CCDC146: variants seen among roughly 807,000 people sequenced by gnomAD.
CCDC146 encodes coiled-coil domain-containing protein 146.
Under a neutral mutation model 119.3 loss-of-function variants are expected in CCDC146, and 92 were observed. The ratio of observed to expected loss-of-function variants is 0.77; its 90% CI spans 0.65 to 0.92. The LOEUF (loss-of-function observed/expected upper bound fraction) is 0.92. Ranked by LOEUF, CCDC146 falls within the 40% of genes least tolerant of loss-of-function variation. CCDC146 has a pLI of 0.00. For missense variants in CCDC146, 1,000 were observed against 1,103.0 expected (o/e 0.91, Z 1.32); for synonymous variants, 372 against 371.8 (o/e 1.00, Z -0.01).
intron 2 of CCDC146, among the ~76,000 whole-genome samples, chr7:77,216,790 GC>G (rs1360733950): frequency 6.6e-6 from 1 of 152,058 alleles, no homozygotes; most frequent in Admixed American, 6.6e-5. Context: ...ATTATAATTT[GC>G]TTTTTTGTCA....
At chr7:77,184,544 A>T (rs1791635438) in intron 2 of CCDC146, among the ~76,000 whole-genome samples, 1 of 152,224 alleles carries the variant, frequency 6.6e-6, no homozygotes, top group Non-Finnish European at 1.5e-5. Context: ...TTCTGAAAGA[A>T]TTATTTTATC....
At chr7:77,157,150 A>G (rs1442949457) in intron 1 of CCDC146, among the ~76,000 whole-genome samples, 1 of 97,688 alleles carries the variant, frequency 1.0e-5, no homozygotes, top group African/African-American at 4.8e-5. Context: ...GGGAAGGAGC[A>G]CCCAATCTTA....
chr7:77,266,703 C>T (rs1793408761), intron 9 of CCDC146, among the ~76,000 whole-genome samples: 1 of 148,598 alleles, frequency 6.7e-6, no homozygotes, highest in Admixed American at 7.0e-5. Flanking sequence ...CTCTGCATTA[C>T]CTAAATGACT....
chr7:77,180,018 T>C (rs1020743030), intron 2 of CCDC146, among the ~76,000 whole-genome samples: 1 of 152,180 alleles, frequency 6.6e-6, no homozygotes, highest in Non-Finnish European at 1.5e-5. Context: ...TCAGAATTCC[T>C]CTCCTAAGAT....
At chr7:77,188,769 T>G (rs1791711655) in intron 2 of CCDC146, among the ~76,000 whole-genome samples, 1 of 152,238 alleles carries the variant, frequency 6.6e-6, no homozygotes, top group South Asian at 2.1e-4. Flanking sequence ...AATACCGTTG[T>G]TGACAGAAGC....
At chr7:77,205,916 A>G (rs1792072425) in intron 2 of CCDC146, among the ~76,000 whole-genome samples, 1 of 152,252 alleles carries the variant, frequency 6.6e-6, no homozygotes, top group African/African-American at 2.4e-5. Context: ...ATCACCAAGA[A>G]AAAGCACAAG....
At chr7:77,262,087 A>T (rs1308213073) in intron 8 of CCDC146, 34 bp from the exon 9 acceptor site, 19 of 1,522,136 alleles carry the variant, frequency 1.2e-5, no homozygotes, top group Non-Finnish European at 1.6e-5. Flanking sequence ...CTGATAACAA[A>T]ATCATTTTCT....
chr7:77,235,620 GTTTT>G (rs1410753774), intron 2 of CCDC146, among the ~76,000 whole-genome samples: 4 of 152,174 alleles, frequency 2.6e-5, no homozygotes, highest in African/African-American at 9.7e-5. Context: ...CACTTGAAGT[GTTTT>G]GATCACCCAG....
chr7:77,250,338 C>A (rs1170499929), intron 4 of CCDC146, among the ~76,000 whole-genome samples: 1 of 152,192 alleles, frequency 6.6e-6, no homozygotes, highest in African/African-American at 2.4e-5. Context: ...CTCTAAAGAG[C>A]TTCCTTTAAC....
chr7:77,241,581 G>T (rs1792849101), intron 3 of CCDC146, 110 bp from the exon 4 acceptor site: 6 of 869,138 alleles, frequency 6.9e-6, no homozygotes, highest in Non-Finnish European at 7.4e-6. Flanking sequence ...ATGTCCCAGA[G>T]TTGAGTTGAT....
intron 2 of CCDC146, among the ~76,000 whole-genome samples, chr7:77,200,941 T>C (rs1369163110): frequency 3.9e-5 from 6 of 152,240 alleles, no homozygotes. Context: ...TCTAAATGTT[T>C]TATTGTATTA....
chr7:77,229,336 C>T (rs57502594), intron 2 of CCDC146, among the ~76,000 whole-genome samples: 7,769 of 152,146 alleles, frequency 0.051, 488 homozygotes, highest in African/African-American at 0.15. Flanking sequence ...ATCCCGTTTG[C>T]CAATTTTTGT....
At chr7:77,292,294 T>A (rs1000369429) in intron 17 of CCDC146, among the ~76,000 whole-genome samples, 1 of 117,250 alleles carries the variant, frequency 8.5e-6, no homozygotes, top group Non-Finnish European at 1.7e-5. Flanking sequence ...ACCTTGTCTT[T>A]ATTTTAATTT....
intron 17 of CCDC146, among the ~76,000 whole-genome samples, chr7:77,288,619 G>A (rs563165760): frequency 2.0e-4 from 30 of 152,332 alleles, no homozygotes; most frequent in Admixed American, 1.6e-3. Context: ...GGAGCATCCC[G>A]TCAATGCAGA....
chr7:77,144,024 G>A (rs1584021546), intron 1 of CCDC146, among the ~76,000 whole-genome samples: 3 of 151,726 alleles, frequency 2.0e-5, no homozygotes, highest in South Asian at 2.1e-4. Context: ...CCATTTTCAC[G>A]ATATTAATTC....
chr7:77,234,641 A>G (rs959250929), intron 2 of CCDC146, among the ~76,000 whole-genome samples: 1 of 152,156 alleles, frequency 6.6e-6, no homozygotes, highest in Non-Finnish European at 1.5e-5. Context: ...AGGCTGAGGC[A>G]GGAGAATTGC....
chr7:77,139,408 T>A (rs1280499609), intron 1 of CCDC146, among the ~76,000 whole-genome samples: 2 of 152,208 alleles, frequency 1.3e-5, no homozygotes, highest in Non-Finnish European at 2.9e-5. Flanking sequence ...TTTAGGGCAG[T>A]GAAAATGTTC....
intron 2 of CCDC146, chr7:77,194,644 G>A (rs1029201176): frequency 1.3e-5 from 2 of 152,026 alleles, no homozygotes; most frequent in African/African-American, 4.8e-5. Flanking sequence ...AAAATAATGG[G>A]TAAAGATGCA....
At chr7:77,199,057 C>T (rs1172130955) in intron 2 of CCDC146, 4 of 828,906 alleles carry the variant, frequency 4.8e-6, no homozygotes, top group Non-Finnish European at 5.7e-6. Flanking sequence ...TTCCTGTGCA[C>T]CTTGATAAAT....
Sources: allele counts gnomAD v4.1 joint callset (sites outside exome capture counted in the v4.1 genomes callset), GRCh38; gene constraint gnomAD v4.1.1; transcripts MANE v1.5; gene names NCBI Gene and HGNC (gene_info 2026-07-23, HGNC 2026-07-21).